Variants in ROBO1 observed in about 807,000 individuals in gnomAD.
The protein encoded by ROBO1 is roundabout guidance receptor 1.
In ROBO1, 149 loss-of-function variants were observed where a neutral mutation model predicts 195.9. That is an observed-to-expected ratio of 0.76 (90% CI 0.67 to 0.87). The LOEUF is 0.87. Among genes scored for constraint, ROBO1 ranks in the 40% least tolerant of loss-of-function variants. The pLI is 0.00. For synonymous variants in ROBO1, 816 were observed against 733.2 expected (o/e 1.11, Z -1.82); for missense variants, 1,933 against 2,068.3 (o/e 0.93, Z 1.27).
At chr3:78,715,569 C>T (rs891984056) in intron 7 of ROBO1, among the ~76,000 whole-genome samples, 1 of 152,128 alleles carries the variant, frequency 6.6e-6, no homozygotes, top group Non-Finnish European at 1.5e-5. Flanking sequence ...TCACACTCTG[C>T]CGCTCAGGCT....
At chr3:79,492,751 T>A (rs2107457788) in intron 2 of ROBO1, among the ~76,000 whole-genome samples, 1 of 152,200 alleles carries the variant, frequency 6.6e-6, no homozygotes, top group East Asian at 1.9e-4. Context: ...TAGCATTGCA[T>A]GAATTTGTAT....
intron 2 of ROBO1, among the ~76,000 whole-genome samples, chr3:79,347,512 A>C (rs531112283): frequency 6.6e-6 from 1 of 152,316 alleles, no homozygotes; most frequent in South Asian, 2.1e-4. Context: ...CCTATTTGTC[A>C]CTAAATTAAT....
intron 1 of ROBO1, among the ~76,000 whole-genome samples, chr3:79,618,089 T>C (rs1296252333): frequency 6.6e-6 from 1 of 151,660 alleles, no homozygotes; most frequent in Non-Finnish European, 1.5e-5. Flanking sequence ...AAAAAGAATT[T>C]TTAAAAAATG....
At chr3:78,913,890 C>G (rs920910920) in intron 4 of ROBO1, among the ~76,000 whole-genome samples, 1 of 152,142 alleles carries the variant, frequency 6.6e-6, no homozygotes, top group Non-Finnish European at 1.5e-5. Flanking sequence ...TAGAGAGGGT[C>G]GTATTTCCCT....
chr3:79,636,444 G>T (rs9884080), intron 1 of ROBO1, among the ~76,000 whole-genome samples: 4 of 151,830 alleles, frequency 2.6e-5, no homozygotes, highest in Non-Finnish European at 5.9e-5. Context: ...TCTAGAATCC[G>T]TTGACTTGCT....
chr3:79,066,449 G>A (rs1480935564), intron 3 of ROBO1, among the ~76,000 whole-genome samples: 2 of 151,836 alleles, frequency 1.3e-5, no homozygotes, highest in Admixed American at 6.6e-5. Context: ...GGTTTAAAAT[G>A]CTACTCTGGT....
intron 1 of ROBO1, among the ~76,000 whole-genome samples, chr3:79,604,819 G>A (rs73849639): frequency 0.047 from 7,164 of 151,760 alleles, 476 homozygotes; most frequent in African/African-American, 0.15. Flanking sequence ...TTTTCTCATC[G>A]CTGCCTTTTG....
chr3:79,496,789 C>CA (rs1165481874), intron 2 of ROBO1, among the ~76,000 whole-genome samples: 1 of 152,066 alleles, frequency 6.6e-6, no homozygotes, highest in Admixed American at 6.5e-5. Flanking sequence ...CAATAGGTGA[C>CA]AATTATGTCC....
intron 4 of ROBO1, among the ~76,000 whole-genome samples, chr3:78,871,897 T>C (rs2035576144): frequency 6.6e-6 from 1 of 151,768 alleles, no homozygotes; most frequent in African/African-American, 2.4e-5. Flanking sequence ...TGCTGTAATA[T>C]CATGCTGCTG....
rs564753898 is a variant in ROBO1 at position 79,406,848 on chromosome 3, T to C, written c.88+182976A>G. Among the ~76,000 whole-genome samples, 50 of 152,314 alleles carry C rather than the reference T, an allele frequency of 3.3e-4. 1 individual carries two copies. Among genetic ancestry groups the C allele is most frequent in the African/African-American group, 1.2e-3 (50 of 41,566 alleles). On this transcript the variant is annotated intron_variant, in intron 2 of 30. Transcript: ENST00000464233. ...GTTTTTTTTCCTTTCCACATAGTTT[T>C]AAAGAATTTAGTCTTCCAATCTGAT...
intron 1 of ROBO1, among the ~76,000 whole-genome samples, chr3:79,665,331 C>T (rs982210971): frequency 6.6e-6 from 1 of 151,700 alleles, no homozygotes; most frequent in African/African-American, 2.4e-5. Context: ...AAAATAATTC[C>T]TTCAATATCA....
chr3:78,931,469 G>A (rs1388881179), intron 4 of ROBO1, among the ~76,000 whole-genome samples: 1 of 151,778 alleles, frequency 6.6e-6, no homozygotes, highest in African/African-American at 2.4e-5. Flanking sequence ...TGGTGTCGAA[G>A]TCTTAACCTC....
chr3:79,014,650 C>T (rs1038614175), intron 3 of ROBO1, among the ~76,000 whole-genome samples: 10 of 152,110 alleles, frequency 6.6e-5, no homozygotes, highest in Non-Finnish European at 1.0e-4. Context: ...CTTTTTATTT[C>T]TTTATGTTTC....
chr3:79,660,686 T>C (rs1946303044), intron 1 of ROBO1, among the ~76,000 whole-genome samples: 2 of 152,238 alleles, frequency 1.3e-5, no homozygotes, highest in South Asian at 4.1e-4. Flanking sequence ...CAGAATATAC[T>C]ATAACACGTA....
At chr3:79,429,015 C>A (rs139993313) in intron 2 of ROBO1, among the ~76,000 whole-genome samples, 2 of 152,094 alleles carry the variant, frequency 1.3e-5, no homozygotes, top group Non-Finnish European at 2.9e-5. Flanking sequence ...GGAAATATTA[C>A]GTGTCTTAAT....
intron 2 of ROBO1, among the ~76,000 whole-genome samples, chr3:79,472,812 A>G (rs1938352790): frequency 6.6e-6 from 1 of 152,138 alleles, no homozygotes. Flanking sequence ...TTAAAAAAGG[A>G]ATATTATAAT....
rs182465627 is a variant in ROBO1, at chr3:78,740,663, G to A, written c.657+6080C>T. On this transcript the variant is annotated intron_variant, in intron 5 of 30. Coordinates refer to ENST00000464233, the MANE Select transcript of ROBO1 (RefSeq NM_002941.4). ...GTTTTTTTGTATTTTGAGTAGAGACGGGGTTTCTCCCTGTTGGTCAGGCTG... is the reference window on the plus strand; with the variant it reads ...GTTTTTTTGTATTTTGAGTAGAGACAGGGTTTCTCCCTGTTGGTCAGGCTG... Among the ~76,000 whole-genome samples the A allele has an allele frequency of 2.2e-3, 331 of 151,866 alleles. 2 individuals carry two copies. The highest frequency in any genetic ancestry group is 1.9e-3 in the Non-Finnish European group (131 of 67,926).
At chr3:79,399,644 T>G (rs527401657) in intron 2 of ROBO1, among the ~76,000 whole-genome samples, 1 of 152,248 alleles carries the variant, frequency 6.6e-6, no homozygotes, top group African/African-American at 2.4e-5. Flanking sequence ...ACTTATAAAC[T>G]GAAAAATGAC....
At chr3:79,318,960 A>T (rs1212503437) in intron 2 of ROBO1, among the ~76,000 whole-genome samples, 1 of 152,216 alleles carries the variant, frequency 6.6e-6, no homozygotes, top group East Asian at 1.9e-4. Context: ...TCATTTCAAC[A>T]TATAATCAAT....
Sources: gnomAD v4.1 joint callset for allele counts (sites outside exome capture counted in the v4.1 genomes callset) on GRCh38, gnomAD v4.1.1 for gene constraint, MANE v1.5 for transcripts, NCBI Gene and HGNC (gene_info 2026-07-23, HGNC 2026-07-21) for gene names.